The following GALNT17 variants were observed in gnomAD, a reference collection of about 807,000 sequenced individuals.
The protein encoded by GALNT17 is polypeptide N-acetylgalactosaminyltransferase 17, also known as UDP-GalNAc:polypeptide N-acetylgalactosaminyltransferase-like 3.
In GALNT17, 29 loss-of-function variants were observed where a neutral mutation model predicts 63.7. The ratio of observed to expected loss-of-function variants is 0.46; its 90% CI spans 0.34 to 0.62. GALNT17 has a LOEUF of 0.62. Among genes scored for constraint, GALNT17 ranks in the 20% least tolerant of loss-of-function variants. The pLI is 0.01. For missense variants in GALNT17, 603 were observed against 799.6 expected (o/e 0.75, Z 2.97); for synonymous variants, 305 against 318.3 (o/e 0.96, Z 0.45).
At chr7:71,619,562 T>C (rs1311838151) in intron 6 of GALNT17, among the ~76,000 whole-genome samples, 1 of 151,630 alleles carries the variant, frequency 6.6e-6, no homozygotes, top group Non-Finnish European at 1.5e-5. Context: ...CTATTTTAAG[T>C]AGGATTGTGT....
chr7:71,187,765 T>C (rs1788878632), intron 1 of GALNT17, among the ~76,000 whole-genome samples: 1 of 152,130 alleles, frequency 6.6e-6, no homozygotes, highest in Admixed American at 6.5e-5. Flanking sequence ...CCATAGACTT[T>C]TGGGGAACAG....
At chr7:71,641,656 C>T (rs1313081926) in intron 6 of GALNT17, among the ~76,000 whole-genome samples, 1 of 151,962 alleles carries the variant, frequency 6.6e-6, no homozygotes, top group Non-Finnish European at 1.5e-5. Flanking sequence ...CAAAGACCCC[C>T]ATCTCCTCAT....
chr7:71,442,764 A>G (rs1187715224), intron 5 of GALNT17, among the ~76,000 whole-genome samples: 1 of 152,164 alleles, frequency 6.6e-6, no homozygotes, highest in African/African-American at 2.4e-5. Context: ...TGTGAATAAC[A>G]TAACTACCAG....
chr7:71,648,073 A>G (rs77371632), intron 6 of GALNT17, among the ~76,000 whole-genome samples: 4 of 152,256 alleles, frequency 2.6e-5, no homozygotes, highest in East Asian at 1.9e-4. Flanking sequence ...TGCCCCTCCC[A>G]TGGGCCCACA....
At chr7:71,206,166 T>C (rs1789268148) in intron 1 of GALNT17, among the ~76,000 whole-genome samples, 2 of 148,288 alleles carry the variant, frequency 1.3e-5, no homozygotes, top group South Asian at 2.1e-4. Flanking sequence ...ATATAAAATA[T>C]ATATATTTAT....
chr7:71,271,064 TTAA>T (rs1790579921), intron 1 of GALNT17, among the ~76,000 whole-genome samples: 1 of 152,194 alleles, frequency 6.6e-6, no homozygotes, highest in African/African-American at 2.4e-5. Flanking sequence ...CGGGATAGTG[TTAA>T]TAATACCAAA....
intron 6 of GALNT17, among the ~76,000 whole-genome samples, chr7:71,597,008 T>C (rs926456060): frequency 1.3e-5 from 2 of 151,950 alleles, no homozygotes; most frequent in African/African-American, 4.8e-5. Flanking sequence ...GGCAACATAG[T>C]GAGATCCCAT....
chr7:71,683,063 G>A (rs1355563302), intron 9 of GALNT17, among the ~76,000 whole-genome samples: 1 of 152,108 alleles, frequency 6.6e-6, no homozygotes, highest in Non-Finnish European at 1.5e-5. Context: ...ACTTTTCCAA[G>A]TGAAAGCTCC....
intron 1 of GALNT17, among the ~76,000 whole-genome samples, chr7:71,208,362 G>A (rs1789312630): frequency 6.6e-6 from 1 of 151,862 alleles, no homozygotes; most frequent in South Asian, 2.1e-4. Flanking sequence ...AAAAGTCTCA[G>A]CCAGACCTAC....
Position 71,621,538 on chromosome 7 carries a change from GATGGATTGATGGATA to G in GALNT17, c.1081-43872_1081-43858del, listed in dbSNP as rs1562713248. On this transcript the variant is annotated intron_variant, in intron 6 of 10. Coordinates refer to ENST00000333538, the MANE Select transcript of GALNT17 (RefSeq NM_022479.3). ...GGATGGATGGATGGATGGATGGATT[GATGGATTGATGGATA>G]GATGGATGGATGGATGGATGGATGG... Among the ~76,000 whole-genome samples the G allele has an allele frequency of 2.1e-4, 16 of 75,702 alleles. 2 individuals are homozygous for G. Among genetic ancestry groups the G allele is most frequent in the South Asian group, 4.0e-4 (1 of 2,484 alleles). The allele number at this position is 75,702 out of a possible 152,430, so 49.7% of individuals were successfully genotyped here. A position where few individuals can be genotyped will look rare whatever the true frequency, so the allele number is the denominator to read the frequency against.
chr7:71,513,925 C>G (rs766979455), intron 5 of GALNT17, among the ~76,000 whole-genome samples: 2 of 152,166 alleles, frequency 1.3e-5, no homozygotes, highest in African/African-American at 2.4e-5. Context: ...GGCATGGTGG[C>G]TTATGCCGGT....
At chr7:71,625,609 C>G (rs1016347180) in intron 6 of GALNT17, among the ~76,000 whole-genome samples, 1 of 151,950 alleles carries the variant, frequency 6.6e-6, no homozygotes, top group African/African-American at 2.4e-5. Context: ...ATTGACTGGC[C>G]CTCGGGAACC....
chr7:71,493,122 A>C (rs1321490791), intron 5 of GALNT17, among the ~76,000 whole-genome samples: 1 of 152,222 alleles, frequency 6.6e-6, no homozygotes, highest in East Asian at 1.9e-4. Context: ...GGACACAGAG[A>C]TGAATGGAGC....
chr7:71,451,712 G>C (rs934353093), intron 5 of GALNT17, among the ~76,000 whole-genome samples: 2 of 151,958 alleles, frequency 1.3e-5, no homozygotes, highest in Non-Finnish European at 2.9e-5. Context: ...TATGGATCTT[G>C]CTACAGCTCA....
intron 1 of GALNT17, among the ~76,000 whole-genome samples, chr7:71,263,699 G>A (rs761836411): frequency 2.0e-4 from 30 of 152,088 alleles, no homozygotes; most frequent in South Asian, 8.3e-4. Flanking sequence ...CAAGGCGGGC[G>A]GATCACTAGG....
intron 6 of GALNT17, among the ~76,000 whole-genome samples, chr7:71,651,831 C>T (rs1220940622): frequency 3.3e-5 from 5 of 152,174 alleles, no homozygotes; most frequent in African/African-American, 1.2e-4. Context: ...CCTACCTCAA[C>T]CACCTGAGTT....
At chr7:71,701,429 G>A (rs919563885) in intron 9 of GALNT17, among the ~76,000 whole-genome samples, 1 of 151,968 alleles carries the variant, frequency 6.6e-6, no homozygotes, top group South Asian at 2.1e-4. Context: ...GGAGGTTGCA[G>A]TGAGCCAAGA....
At chr7:71,481,513 A>G (rs1258379005) in intron 5 of GALNT17, among the ~76,000 whole-genome samples, 1 of 152,154 alleles carries the variant, frequency 6.6e-6, no homozygotes, top group Middle Eastern at 3.2e-3. Context: ...GCCTGGCTGA[A>G]CTACACTTCC....
At chr7:71,196,772 G>C (rs767994611) in intron 1 of GALNT17, among the ~76,000 whole-genome samples, 57 of 152,012 alleles carry the variant, frequency 3.7e-4, no homozygotes, top group Admixed American at 1.3e-4. Flanking sequence ...TCCTGCCTCA[G>C]CCTCCTGAGT....
Sources: gnomAD v4.1 joint callset for allele counts (sites outside exome capture counted in the v4.1 genomes callset) on GRCh38, gnomAD v4.1.1 for gene constraint, MANE v1.5 for transcripts, NCBI Gene and HGNC (gene_info 2026-07-23, HGNC 2026-07-21) for gene names.